PRSS12: variants seen among roughly 807,000 people sequenced by gnomAD.
PRSS12 encodes the protein neurotrypsin.
PRSS12 carries 85 observed loss-of-function variants against 104.4 expected under a neutral mutation model. The observed-to-expected ratio is 0.81, with a 90% confidence interval of 0.68 to 0.98. The LOEUF is 0.98. Ranked by LOEUF, PRSS12 falls within the 50% of genes least tolerant of loss-of-function variation. The pLI, the probability that PRSS12 is intolerant of heterozygous loss-of-function variation, is 0.00. For missense variants in PRSS12, 1,141 were observed against 1,139.2 expected (o/e 1.00, Z -0.02); for synonymous variants, 454 against 425.2 (o/e 1.07, Z -0.83).
intron 8 of PRSS12, among the ~76,000 whole-genome samples, chr4:118,307,949 A>G (rs983909430): frequency 6.6e-6 from 1 of 152,224 alleles, no homozygotes; most frequent in African/African-American, 2.4e-5. Context: ...ACAACTGTTA[A>G]CAAGTATGAA....
intron 4 of PRSS12, among the ~76,000 whole-genome samples, chr4:118,323,585 C>T (rs1325530897): frequency 6.6e-6 from 1 of 151,748 alleles, no homozygotes; most frequent in Non-Finnish European, 1.5e-5. Flanking sequence ...AATATAGGAA[C>T]ATAGTTTTTA....
chr4:118,338,351 A>G (rs1434371672), intron 1 of PRSS12, 37 bp from the exon 2 acceptor site: 1 of 1,612,400 alleles, frequency 6.2e-7, no homozygotes, highest in Non-Finnish European at 8.5e-7. Flanking sequence ...CTTTAATAGT[A>G]AATAATCATT....
chr4:118,335,232 T>A (rs990778811), intron 3 of PRSS12, among the ~76,000 whole-genome samples: 4 of 152,030 alleles, frequency 2.6e-5, no homozygotes, highest in Non-Finnish European at 5.9e-5. Context: ...CATATTTATT[T>A]AAGCAAATTA....
chr4:118,316,538 C>T (rs557829814), intron 5 of PRSS12, among the ~76,000 whole-genome samples: 2 of 152,110 alleles, frequency 1.3e-5, no homozygotes, highest in African/African-American at 4.8e-5. Context: ...AATATTCTTT[C>T]CAGCTGGGTG....
rs1363571897 is a variant in PRSS12, at chr4:118,338,332, C to A, written c.503-18G>T. On this transcript the variant is annotated intron_variant, in intron 1 of 12. Transcript: ENST00000296498. ...TACTGATCCTAAAGTGGAAAAGAAT[C>A]CCAAAACCCTTTAATAGTAAATAAT... 1.9e-6 allele frequency: 3 copies of A among 1,613,700 alleles called. No individual in the cohort carries two copies. Among genetic ancestry groups the A allele is most frequent in the Non-Finnish European group, 2.5e-6 (3 of 1,179,764 alleles).
intron 11 of PRSS12, among the ~76,000 whole-genome samples, chr4:118,291,318 T>C (rs973838163): frequency 3.3e-5 from 5 of 152,134 alleles, no homozygotes; most frequent in Admixed American, 6.5e-5. Flanking sequence ...CTCACCACAG[T>C]ACTCTAAACA....
chr4:118,319,125 C>A (rs1159917879), intron 4 of PRSS12, among the ~76,000 whole-genome samples: 4 of 151,860 alleles, frequency 2.6e-5, no homozygotes, highest in Non-Finnish European at 5.9e-5. Context: ...TGTGGCATGA[C>A]CATAGCTTAC....
chr4:118,299,031 T>A, intron 8 of PRSS12, 93 bp from the exon 9 acceptor site: 4 of 1,382,102 alleles, frequency 2.9e-6, no homozygotes, highest in Non-Finnish European at 4.0e-6. Context: ...CCTTAATTTT[T>A]ACATATTAAA....
intron 1 of PRSS12, among the ~76,000 whole-genome samples, chr4:118,339,414 T>G (rs1724144747): frequency 6.6e-6 from 1 of 152,222 alleles, no homozygotes; most frequent in Non-Finnish European, 1.5e-5. Flanking sequence ...TCACAAAGTA[T>G]CCATTCATTT....
intron 7 of PRSS12, among the ~76,000 whole-genome samples, chr4:118,309,495 C>T (rs1329366780): frequency 1.3e-5 from 2 of 152,072 alleles, no homozygotes; most frequent in Non-Finnish European, 2.9e-5. Context: ...TCACACAGCC[C>T]TTCCCTCACA....
rs1415762636 is a variant in PRSS12 at position 118,313,211 on chromosome 4, C to A, written c.1479G>T (p.Arg493Ser). The A allele has an allele frequency of 4.3e-6, 7 of 1,613,250 alleles. No individual in the cohort carries two copies. Among genetic ancestry groups the A allele is most frequent in the Non-Finnish European group, 5.9e-6 (7 of 1,179,884 alleles). Reference protein sequence around the residue: ...IACYPGGEGHRLSLGFPVRLM... With the variant: ...IACYPGGEGHSLSLGFPVRLM... ...GCAGCCAGTCCTCACCCAGAGAGAG[C>A]CTGTGTCCCTCGCCGCCAGGGTAGC... The change falls in exon 7 of 13, where the codon AGG becomes AGT. Residue 493 changes from arginine to serine, a missense_variant. Arg to Ser is a moderately radical substitution (Grantham distance 110, BLOSUM62 -1). Transcript: ENST00000296498.
rs779467698 is a variant in PRSS12 at position 118,352,569 on chromosome 4, T to C, written c.152A>G (p.Gln51Arg). The change falls in exon 1 of 13, where the codon CAG becomes CGG. Residue 51 changes from glutamine to arginine, a missense_variant. By Grantham distance (43) the Gln-to-Arg change is conservative. Coordinates refer to ENST00000296498, the MANE Select transcript of PRSS12 (RefSeq NM_003619.4). ...PHYPYYLPTQQRPPRTRPPPP... is the reference protein window; with the variant it reads ...PHYPYYLPTQRRPPRTRPPPP... ...CGGCGGACGCGTCCTCGGGGGCCGC[T>C]GCTGGGTGGGAAGGTAATAGGGGTA... The C allele has an allele frequency of 2.6e-6, 4 of 1,562,320 alleles. No homozygotes were observed. In the South Asian group the frequency reaches 4.7e-5, roughly 18 times the overall value.
chr4:118,305,366 A>G (rs1035808110), intron 8 of PRSS12, among the ~76,000 whole-genome samples: 3 of 152,014 alleles, frequency 2.0e-5, no homozygotes, highest in African/African-American at 7.2e-5. Context: ...AAGTCTTTTG[A>G]TGCTTTTCTT....
intron 8 of PRSS12, chr4:118,303,203 A>G (rs1743444346): frequency 1.3e-5 from 2 of 152,116 alleles, no homozygotes. Flanking sequence ...CCACTGAGAA[A>G]AGATGAAAAT....
chr4:118,319,860 G>A (rs1289153129), intron 4 of PRSS12, among the ~76,000 whole-genome samples: 2 of 151,958 alleles, frequency 1.3e-5, no homozygotes, highest in African/African-American at 4.8e-5. Flanking sequence ...ATTTTTTGTA[G>A]AGATGGAGTC....
intron 8 of PRSS12, chr4:118,303,542 T>G (rs1219613917): frequency 1.3e-5 from 2 of 152,154 alleles, no homozygotes; most frequent in Middle Eastern, 3.2e-3. Context: ...TTAAGGACTC[T>G]GCCATCCATA....
chr4:118,316,130 T>C, intron 6 of PRSS12, 52 bp downstream of exon 6: 1 of 1,600,406 alleles, frequency 6.2e-7, no homozygotes, highest in Non-Finnish European at 8.6e-7. Context: ...ATAATAAGAC[T>C]TTTAACAATA....
intron 11 of PRSS12, among the ~76,000 whole-genome samples, chr4:118,294,660 G>A (rs189198391): frequency 6.3e-4 from 96 of 152,162 alleles, no homozygotes; most frequent in Non-Finnish European, 1.3e-3. Context: ...CCTCAGATAC[G>A]TTCTTGGGGG....
intron 11 of PRSS12, among the ~76,000 whole-genome samples, chr4:118,289,725 T>G (rs1743088441): frequency 6.6e-6 from 1 of 152,158 alleles, no homozygotes; most frequent in Non-Finnish European, 1.5e-5. Context: ...AGCTGTAGCC[T>G]CCTTAGGCGC....
Sources: allele counts gnomAD v4.1 joint callset (sites outside exome capture counted in the v4.1 genomes callset), GRCh38; gene constraint gnomAD v4.1.1; transcripts MANE v1.5; gene names NCBI Gene and HGNC (gene_info 2026-07-23, HGNC 2026-07-21).